Variants in CACNA1B observed in about 807,000 individuals in gnomAD.
CACNA1B encodes the protein calcium voltage-gated channel subunit alpha1 B, also known as voltage-dependent N-type calcium channel subunit alpha-1B.
CACNA1B carries 70 observed loss-of-function variants against 247.2 expected under a neutral mutation model. That is an observed-to-expected ratio of 0.28 (90% CI 0.23 to 0.35). The LOEUF is 0.35. CACNA1B is among the 10% of genes least tolerant of loss of function. The probability of loss-of-function intolerance (pLI) is 1.00; values close to 1 mark genes in which losing one functional copy is unlikely to be tolerated. For missense variants in CACNA1B, 2,367 were observed against 3,197.4 expected (o/e 0.74, Z 6.26); for synonymous variants, 1,231 against 1,294.4 (o/e 0.95, Z 1.05).
chr9:138,120,655 G>T lies in CACNA1B; in HGVS notation c.6263G>T (p.Gly2088Val). 2 of 1,505,604 alleles carry T rather than the reference G, an allele frequency of 1.3e-6. No individual in the cohort carries two copies. The highest frequency in any genetic ancestry group is 8.8e-7 in the Non-Finnish European group (1 of 1,133,116). 93.3% of individuals were successfully genotyped at this position (1,505,604 alleles called of 1,614,324 possible). Reference protein sequence around the residue: ...DGAPSSAVGPGLPPGEGPTGC... With the variant: ...DGAPSSAVGPVLPPGEGPTGC... The stretch of plus-strand genomic sequence containing the variant: ...GCACCAAGCAGTGCTGTGGGGCCGG[G>T]GCTGCCCCCGGGAGAGGGGCCTACA... Residue 2088 changes from glycine (G) to valine (V), a missense_variant, in exon 46 of 47, where the codon GGG (glycine) becomes GTG (valine). Gly to Val is a moderately radical substitution (Grantham distance 109). Coordinates refer to ENST00000371372, the MANE Select transcript of CACNA1B (RefSeq NM_000718.4).
At chr9:138,088,176 C>T (rs1960762645) in intron 36 of CACNA1B, among the ~76,000 whole-genome samples, 1 of 152,030 alleles carries the variant, frequency 6.6e-6, no homozygotes, top group South Asian at 2.1e-4. Flanking sequence ...CAAGACCAGC[C>T]TGGCCAACAT....
intron 6 of CACNA1B, among the ~76,000 whole-genome samples, chr9:137,929,447 C>T (rs1364626215): frequency 7.3e-5 from 11 of 150,838 alleles, no homozygotes; most frequent in Non-Finnish European, 1.3e-4. Context: ...TCCAGCTACT[C>T]GGGAGACTGA....
At position 138,073,665 on chromosome 9, in the gene CACNA1B, C is replaced by T; in HGVS notation, c.4791+61C>T. The T allele has an allele frequency of 2.0e-6, 2 of 990,604 alleles. No homozygotes were observed. Among genetic ancestry groups the T allele is most frequent in the East Asian group, 2.4e-5 (1 of 41,874 alleles). The allele number at this position is 990,604 out of a possible 1,614,324, so 61.4% of individuals were successfully genotyped here. On this transcript the variant is annotated intron_variant, in intron 33 of 46. Coordinates refer to ENST00000371372, the MANE Select transcript of CACNA1B (RefSeq NM_000718.4). This position sits in a 1 kb window ranked among gnomAD's most constrained non-coding sequence, Gnocchi z 6.4. Reference sequence around the variant, plus strand: ...CCTTCCTCCGTCTTGCTTCCCCTGCCCCCACCACAGTGGCCCCTCCTTTGG... The same window carrying T: ...CCTTCCTCCGTCTTGCTTCCCCTGCTCCCACCACAGTGGCCCCTCCTTTGG...
intron 6 of CACNA1B, among the ~76,000 whole-genome samples, chr9:137,937,631 T>A (rs972459717): frequency 3.9e-5 from 6 of 152,034 alleles, no homozygotes; most frequent in Admixed American, 3.3e-4. Context: ...CCAGGCACAT[T>A]GTCATCATAT....
In CACNA1B at chr9:137,919,270, G is replaced by A. The variant is rs114289016; in HGVS notation, c.966+1839G>A. Reference sequence around the variant, plus strand: ...TACACAGTGGTGAGCAGAGGCATTCGACACGTAAGGGCATGGACAGTGGCG... The same window carrying A: ...TACACAGTGGTGAGCAGAGGCATTCAACACGTAAGGGCATGGACAGTGGCG... On this transcript the variant is annotated intron_variant, in intron 6 of 46. Coordinates refer to ENST00000371372, the MANE Select transcript of CACNA1B (RefSeq NM_000718.4). The surrounding 1 kb of genome is among the most constrained non-coding windows in gnomAD (Gnocchi z 4.6). Among the ~76,000 whole-genome samples, 3,151 of 152,360 alleles carry A rather than the reference G, an allele frequency of 0.021. 112 individuals are homozygous for A. Among genetic ancestry groups the A allele is most frequent in the African/African-American group, 0.072 (2,990 of 41,578 alleles).
At chr9:137,984,310 C>A in intron 13 of CACNA1B, 60 bp downstream of exon 13, 4 of 1,201,310 alleles carry the variant, frequency 3.3e-6, no homozygotes, top group Non-Finnish European at 4.8e-6. Context: ...GTGGGATCAG[C>A]CACACAGGGT....
At position 138,013,247 on chromosome 9, in the gene CACNA1B, A is replaced by C. The variant is rs1313731722; in HGVS notation, c.2267+12A>C. 6.4e-7 allele frequency: 1 copy of C among 1,565,688 alleles called. No homozygotes were observed. The highest frequency in any genetic ancestry group is 1.4e-5 in the African/African-American group (1 of 73,244). On this transcript the variant is annotated intron_variant, in intron 18 of 46. Coordinates refer to ENST00000371372, the MANE Select transcript of CACNA1B (RefSeq NM_000718.4). ...ATCTCCATCGCCGCGTAAGGCTCCT[A>C]GGAGTGGATTGTGGGGTGGCAGTGG...
At chr9:138,030,274 G>T (rs1217182868) in intron 20 of CACNA1B, among the ~76,000 whole-genome samples, 7 of 150,840 alleles carry the variant, frequency 4.6e-5, no homozygotes, top group Non-Finnish European at 1.0e-4. Flanking sequence ...GAAAGTTCCC[G>T]TTCATTGCTT....
intron 3 of CACNA1B, among the ~76,000 whole-genome samples, chr9:137,894,822 CTG>C (rs1957155112): frequency 1.3e-5 from 2 of 152,142 alleles, no homozygotes; most frequent in African/African-American, 4.8e-5. Flanking sequence ...TTTTCCTACT[CTG>C]TAGCTTTTTT....
intron 36 of CACNA1B, among the ~76,000 whole-genome samples, chr9:138,080,903 TTAGA>T (rs1342995362): frequency 2.6e-5 from 4 of 152,138 alleles, no homozygotes; most frequent in African/African-American, 7.2e-5. Flanking sequence ...GAGCTTACAC[TTAGA>T]TAGAGAAATA....
In CACNA1B at chr9:137,966,978, T is replaced by A. The variant is rs565908577; in HGVS notation, c.1334-4405T>A. Among the ~76,000 whole-genome samples, 430 of 147,866 alleles carry A rather than the reference T, an allele frequency of 2.9e-3. 2 individuals are homozygous for A. Among genetic ancestry groups the A allele is most frequent in the South Asian group, 0.021 (98 of 4,660 alleles). On this transcript the variant is annotated intron_variant, in intron 10 of 46. Coordinates refer to ENST00000371372, the MANE Select transcript of CACNA1B (RefSeq NM_000718.4). ...CTTGGTGGTTTTGCTTTTTTTTTTT[T>A]AAAAAAAAAACCCAGTTGTATGGTG...
chr9:138,006,812 G>A lies in CACNA1B; in HGVS notation c.2020G>A (p.Glu674Lys), dbSNP rs747544100. The change falls in exon 16 of 47, where the codon GAA (glutamate) becomes AAA (lysine). Residue 674 changes from glutamate to lysine, a missense_variant. Glu to Lys is a moderately conservative substitution (Grantham distance 56, BLOSUM62 1). Around this residue, in one of 12 missense-constraint regions of CACNA1B, gnomAD observed 76 missense variants for 191.0 expected, o/e 0.40. Transcript: ENST00000371372. ...DWNAVMYHGI[E>K]SQGGVSKGMF... ...GAATGCAGTGATGTATCACGGGATC[G>A]AATCGCAAGGCGGCGTCAGCAAAGG... The A allele has an allele frequency of 6.8e-6, 11 of 1,611,720 alleles. No individual in the cohort carries two copies. The Admixed American group carries it at 1.2e-4, about 17-fold the overall frequency.
intron 7 of CACNA1B, among the ~76,000 whole-genome samples, chr9:137,953,048 G>A (rs1356561198): frequency 6.6e-6 from 1 of 152,218 alleles, no homozygotes; most frequent in East Asian, 1.9e-4. Flanking sequence ...GCTGGAGAAG[G>A]TGGAGAAAGA....
At chr9:138,049,392 A>G in intron 24 of CACNA1B, 77 bp downstream of exon 24, 1 of 967,964 alleles carries the variant, frequency 1.0e-6, no homozygotes, top group Non-Finnish European at 1.7e-6. Flanking sequence ...GGAATAAGGA[A>G]GAGGCCCTCT....
chr9:137,901,371 G>A (rs538868574), intron 3 of CACNA1B, among the ~76,000 whole-genome samples: 8 of 151,868 alleles, frequency 5.3e-5, no homozygotes, highest in African/African-American at 1.7e-4. Flanking sequence ...CTATGCCTGC[G>A]TGTCTGTGTG....
At chr9:138,087,924 A>C (rs567325663) in intron 36 of CACNA1B, among the ~76,000 whole-genome samples, 1 of 152,226 alleles carries the variant, frequency 6.6e-6, no homozygotes, top group South Asian at 2.1e-4. Context: ...ACACACAAAG[A>C]TTTCAAATAA....
At chr9:138,061,036 C>G (rs1589104266) in intron 31 of CACNA1B, among the ~76,000 whole-genome samples, 1 of 152,340 alleles carries the variant, frequency 6.6e-6, no homozygotes, top group East Asian at 1.9e-4. Flanking sequence ...TGTTGCCGTT[C>G]TTTTTCCAAC....
At chr9:137,910,127 C>A (rs576795004) in intron 3 of CACNA1B, among the ~76,000 whole-genome samples, 1 of 152,304 alleles carries the variant, frequency 6.6e-6, no homozygotes, top group East Asian at 1.9e-4. Flanking sequence ...TTGATGTTTA[C>A]TTCCCTAATG....
rs543404726 is a variant in CACNA1B, at chr9:137,923,257, G to A, written c.966+5826G>A. 2.4e-3 allele frequency among the ~76,000 whole-genome samples: 348 copies of A among 143,668 alleles called. 3 individuals carry two copies. The highest frequency in any genetic ancestry group is 8.8e-3 in the African/African-American group (321 of 36,602). The allele number at this position is 143,668 out of a possible 152,430, so 94.3% of individuals were successfully genotyped here. ...ATTCCATGGTGCCAGGTGGTATTCCGTGGTGCCAGGTGGTATTCCATGGTG... is the reference window on the plus strand; with the variant it reads ...ATTCCATGGTGCCAGGTGGTATTCCATGGTGCCAGGTGGTATTCCATGGTG... On this transcript the variant is annotated intron_variant, in intron 6 of 46. Transcript: ENST00000371372.
Sources: allele counts gnomAD v4.1 joint callset (sites outside exome capture counted in the v4.1 genomes callset), GRCh38; gene constraint gnomAD v4.1.1; regional missense constraint gnomAD v4.1.1; non-coding constraint Gnocchi (gnomAD v3.1); transcripts MANE v1.5; gene names NCBI Gene and HGNC (gene_info 2026-07-23, HGNC 2026-07-21).